The following CPOX variants were observed in gnomAD, a reference collection of about 807,000 sequenced individuals.
CPOX encodes oxygen-dependent coproporphyrinogen-III oxidase, mitochondrial.
CPOX carries 24 observed loss-of-function variants against 48.9 expected under a neutral mutation model. That is an observed-to-expected ratio of 0.49 (90% confidence interval 0.36 to 0.69). The LOEUF (loss-of-function observed/expected upper bound fraction) is 0.69, where lower values mean the gene tolerates loss of function less well. Ranked by LOEUF, CPOX falls within the 30% of genes least tolerant of loss-of-function variation. The pLI is 0.00. For missense variants in CPOX, 549 were observed against 597.3 expected (o/e 0.92, Z 0.84); for synonymous variants, 249 against 234.6 (o/e 1.06, Z -0.56).
At chr3:98,576,887 C>T (rs1218177248), downstream of CPOX, among the ~76,000 whole-genome samples, 1 of 152,130 alleles carries the variant, frequency 6.6e-6, no homozygotes, top group East Asian at 1.9e-4. Context: ...ACACATCATT[C>T]ATTAGGTAGC....
chr3:98,593,076 C>A lies in CPOX; in HGVS notation c.429G>T (p.Arg143Ser). ...PPVTDLGELR[R>S]RPGDMKTKME... ...TCTTGGTCTTCATGTCGCCCGGCCT[C>A]CTTCGCAGCTCGCCCAGGTCGGTCA... Residue 143 changes from arginine to serine, a missense_variant, in exon 1 of 7, where the codon AGG becomes AGT. Coordinates refer to ENST00000647941, the MANE Select transcript of CPOX (RefSeq NM_000097.7). 1 of 1,613,976 alleles carries A rather than the reference C, an allele frequency of 6.2e-7. No homozygotes were observed. The highest frequency in any genetic ancestry group is 1.1e-5 in the South Asian group (1 of 91,024).
At chr3:98,590,763 C>A (rs376667094) in intron 2 of CPOX, 21 bp from the exon 3 acceptor site, 8 of 1,532,714 alleles carry the variant, frequency 5.2e-6, no homozygotes, top group South Asian at 2.2e-5. Context: ...AAATATGAGT[C>A]ATGAGCTATA....
At chr3:98,579,003 G>C (rs557206496), downstream of CPOX, among the ~76,000 whole-genome samples, 4 of 152,092 alleles carry the variant, frequency 2.6e-5, no homozygotes. Flanking sequence ...TTGCTTCTTC[G>C]CAGATTTTCT....
chr3:98,590,471 A>G (rs1180780665), intron 3 of CPOX, 161 bp downstream of exon 3: 23 of 685,336 alleles, frequency 3.4e-5, no homozygotes, highest in Non-Finnish European at 6.1e-5. Context: ...GTCATGTCTC[A>G]GGCATAATCC....
rs1707465531 is a variant in CPOX at position 98,590,863 on chromosome 3, A to G, written c.701-121T>C. The G allele has an allele frequency of 4.8e-6, 6 of 1,248,800 alleles. No homozygotes were observed. The South Asian group carries it at 7.8e-5, about 16-fold the overall frequency. The allele number at this position is 1,248,800 out of a possible 1,614,324, so 77.4% of individuals were successfully genotyped here. On this transcript the variant is annotated intron_variant, in intron 2 of 6. Coordinates refer to ENST00000647941, the MANE Select transcript of CPOX (RefSeq NM_000097.7). ...AGCTGCTTTTTAATTTGTCACTTAAAAACATAATTTTAAAAAAGTATTTGT... is the reference window on the plus strand; with the variant it reads ...AGCTGCTTTTTAATTTGTCACTTAAGAACATAATTTTAAAAAAGTATTTGT...
rs1283050653 is a variant in CPOX at position 98,579,592 on chromosome 3, T to C, written c.*1091A>G. On this transcript the variant is annotated 3_prime_UTR_variant, in exon 7 of 7. Transcript: ENST00000647941. ...AATGATATGTATGAGATGCTCTTCC[T>C]TATAAACTTTATTACGAAGCAAATA... 1.0e-6 allele frequency: 1 copy of C among 985,190 alleles called. No individual in the cohort carries two copies. Among genetic ancestry groups the C allele is most frequent in the African/African-American group, 1.7e-5 (1 of 57,362 alleles). The allele number at this position is 985,190 out of a possible 1,614,324, so 61.0% of individuals were successfully genotyped here. A position where few individuals can be genotyped will look rare whatever the true frequency, so the allele number is the denominator to read the frequency against.
chr3:98,588,251 A>T (rs1707405240), intron 4 of CPOX, among the ~76,000 whole-genome samples: 1 of 151,952 alleles, frequency 6.6e-6, no homozygotes, highest in Admixed American at 6.6e-5. Flanking sequence ...TTATTTTATC[A>T]TTAGAATTTC....
downstream of CPOX, among the ~76,000 whole-genome samples, chr3:98,576,072 CAAAAAAAA>C (rs56988806): frequency 1.4e-4 from 10 of 71,418 alleles, no homozygotes; most frequent in South Asian, 1.6e-3. Flanking sequence ...AACTCTGCCT[CAAAAAAAA>C]AAAAAAAAAA....
intron 5 of CPOX, among the ~76,000 whole-genome samples, chr3:98,584,323 A>T (rs1344222759): frequency 6.6e-6 from 1 of 152,206 alleles, no homozygotes; most frequent in East Asian, 1.9e-4. Flanking sequence ...CCCCAAAATA[A>T]GTATCAAGTG....
chr3:98,582,965 A>G (rs1001076198), intron 5 of CPOX, among the ~76,000 whole-genome samples: 7 of 152,214 alleles, frequency 4.6e-5, no homozygotes, highest in African/African-American at 1.7e-4. Flanking sequence ...AAATAATTTA[A>G]GTGAATCTTC....
chr3:98,590,818 T>C (rs1707464851), intron 2 of CPOX, 76 bp from the exon 3 acceptor site: 9 of 1,246,736 alleles, frequency 7.2e-6, no homozygotes, highest in South Asian at 6.4e-5. Flanking sequence ...TCTAATATGA[T>C]TTCCAAGTCA....
Position 98,591,104 on chromosome 3 carries a change from G to C in CPOX, c.608C>G (p.Ala203Gly), listed in dbSNP as rs1457502750. ...ATGAACAACAGAAATGCTCACCCCA[G>C]CCTTTTCGAAAACACACCCATCTTG... The part of the protein sequence containing the change: ...VLQDGCVFEK[A>G]GVSISVVHGN... The change falls in exon 2 of 7, where the codon GCT (alanine) becomes GGT (glycine). Residue 203 changes from alanine to glycine, a missense_variant. Physicochemically the swap from Ala to Gly is moderately conservative, Grantham distance 60. Transcript: ENST00000647941. 1.2e-6 allele frequency: 2 copies of C among 1,613,934 alleles called. No individual in the cohort carries two copies. The highest frequency in any genetic ancestry group is 2.7e-5 in the African/African-American group (2 of 74,896).
chr3:98,575,029 T>C (rs1480944888), downstream of CPOX, among the ~76,000 whole-genome samples: 1 of 152,228 alleles, frequency 6.6e-6, no homozygotes, highest in Non-Finnish European at 1.5e-5. Flanking sequence ...GAACAGATTC[T>C]AAAAGCCTGT....
At position 98,580,077 on chromosome 3, in the gene CPOX, A is replaced by G; in HGVS notation, c.*606T>C. ...ACTTTAGAGTTTACAAACTACAGAAATAACTGAATTGTAACACATGCAGAG... is the reference window on the plus strand; with the variant it reads ...ACTTTAGAGTTTACAAACTACAGAAGTAACTGAATTGTAACACATGCAGAG... On this transcript the variant is annotated 3_prime_UTR_variant, in exon 7 of 7. Transcript: ENST00000647941. 5 of 969,830 alleles carry G rather than the reference A, an allele frequency of 5.2e-6. No homozygotes were observed. The highest frequency in any genetic ancestry group is 6.1e-6 in the Non-Finnish European group (5 of 823,612). 60.1% of individuals were successfully genotyped at this position (969,830 alleles called of 1,614,324 possible).
chr3:98,589,290 G>T (rs1707430055), intron 3 of CPOX, among the ~76,000 whole-genome samples: 1 of 152,126 alleles, frequency 6.6e-6, no homozygotes, highest in East Asian at 1.9e-4. Context: ...CTGCACTCCA[G>T]CCTGGGCAAC....
rs1172268536 is a variant in CPOX, at chr3:98,587,086, C to T, written c.954-1427G>A. Among the ~76,000 whole-genome samples, 6 of 152,098 alleles carry T rather than the reference C, an allele frequency of 3.9e-5. No individual in the cohort carries two copies. The East Asian group carries it at 1.2e-3, about 29-fold the overall frequency. ...CCTTAAATAGAAAAACATGCTCAAA[C>T]AAAAACTAAAAGCTATTTAAAAGGT... On this transcript the variant is annotated intron_variant, in intron 4 of 6. Coordinates refer to ENST00000647941, the MANE Select transcript of CPOX (RefSeq NM_000097.7).
chr3:98,590,957 G>T, intron 2 of CPOX, 55 bp downstream of exon 2: 1 of 1,588,866 alleles, frequency 6.3e-7, no homozygotes, highest in South Asian at 1.1e-5. Flanking sequence ...TAAAACTTGT[G>T]GGCAAAATAA....
chr3:98,574,475 A>T (rs1330153736), downstream of CPOX, among the ~76,000 whole-genome samples: 1 of 152,200 alleles, frequency 6.6e-6, no homozygotes, highest in African/African-American at 2.4e-5. Flanking sequence ...GCTTCTTAGG[A>T]ATACATTATT....
intron 4 of CPOX, among the ~76,000 whole-genome samples, chr3:98,588,168 A>G (rs1232931114): frequency 6.6e-6 from 1 of 152,238 alleles, no homozygotes; most frequent in African/African-American, 2.4e-5. Flanking sequence ...CTCATATTCC[A>G]AACAATTTGT....
Sources: allele counts gnomAD v4.1 joint callset (sites outside exome capture counted in the v4.1 genomes callset), GRCh38; gene constraint gnomAD v4.1.1; transcripts MANE v1.5; gene names NCBI Gene and HGNC (gene_info 2026-07-23, HGNC 2026-07-21).